The following BCAS3 variants were observed in gnomAD, a reference collection of about 807,000 sequenced individuals.
BCAS3 encodes the protein BCAS3 microtubule associated cell migration factor, also known as BCAS4/BCAS3 fusion.
Under a neutral mutation model 116.1 loss-of-function variants are expected in BCAS3, and 53 were observed. The ratio of observed to expected loss-of-function variants is 0.46; its 90% confidence interval spans 0.37 to 0.57. The LOEUF is 0.57. BCAS3 is among the 20% of genes least tolerant of loss of function. The pLI is 0.00. For synonymous variants in BCAS3, 391 were observed against 408.2 expected, an observed-to-expected ratio of 0.96 and a Z score of 0.51; for missense variants, 917 against 1,165.4, an observed-to-expected ratio of 0.79 and a Z score of 3.10.
At chr17:60,914,668 C>T (rs181413038) in intron 12 of BCAS3, among the ~76,000 whole-genome samples, 5 of 152,286 alleles carry the variant, frequency 3.3e-5, no homozygotes, top group South Asian at 4.1e-4. Context: ...GCAAGACCAA[C>T]CCCTTTTCTT....
chr17:61,045,863 A>AT (rs1203178817), intron 19 of BCAS3, among the ~76,000 whole-genome samples: 1 of 18,068 alleles, frequency 5.5e-5, no homozygotes, highest in Non-Finnish European at 7.5e-5. Context: ...ATATATATAT[A>AT]TAAATATATA....
At chr17:61,044,308 G>A (rs1017766231) in intron 19 of BCAS3, among the ~76,000 whole-genome samples, 5 of 151,548 alleles carry the variant, frequency 3.3e-5, no homozygotes, top group Admixed American at 1.3e-4. Flanking sequence ...TTAGCTGGGC[G>A]TGGTGGCGGG....
intron 6 of BCAS3, among the ~76,000 whole-genome samples, chr17:60,799,524 GTT>G (rs869112996): frequency 2.9e-5 from 3 of 102,380 alleles, no homozygotes; most frequent in African/African-American, 1.1e-4. Flanking sequence ...ATTAGTGTTT[GTT>G]TTTTTTTTTT....
In BCAS3 at chr17:61,388,053, C is replaced by T. The variant is rs1297715562; in HGVS notation, c.2594-3924C>T. 6.6e-6 allele frequency among the ~76,000 whole-genome samples: 1 copy of T among 152,286 alleles called. No individual in the cohort carries two copies. The highest frequency in any genetic ancestry group is 1.9e-4 in the East Asian group (1 of 5,178). ...TGGCTGGGGACACTTCCCTCATTTC[C>T]TGCCACAGAGCCCCCAGCACTCTCT... On this transcript the variant is annotated intron_variant, in intron 23 of 23. Transcript: ENST00000407086. This position sits in a 1 kb window ranked among gnomAD's most constrained non-coding sequence, Gnocchi z 6.5.
rs1480746579 is a variant in BCAS3 at position 60,812,068 on chromosome 17, GTTCATAAGTTGTT to G, written c.476+4008_476+4020del. 4.7e-5 allele frequency among the ~76,000 whole-genome samples: 7 copies of G among 149,842 alleles called. 1 individual carries two copies. The East Asian group carries it at 1.2e-3, about 25-fold the overall frequency. ...ACCCAGTCTCAAAAAAAAAAAAAAA[GTTCATAAGTTGTT>G]TTCATAAGTTGTTTTATGGATGTAG... On this transcript the variant is annotated intron_variant, in intron 7 of 23. Coordinates refer to ENST00000407086, the MANE Select transcript of BCAS3 (RefSeq NM_017679.5).
At chr17:60,902,760 T>G in intron 11 of BCAS3, 57 bp downstream of exon 11, 4 of 1,304,970 alleles carry the variant, frequency 3.1e-6, no homozygotes, top group Non-Finnish European at 4.4e-6. Flanking sequence ...TGTTCAGATT[T>G]CTCTCCTGAA....
intron 13 of BCAS3, among the ~76,000 whole-genome samples, chr17:60,931,395 G>A (rs1391617244): frequency 2.0e-5 from 3 of 152,048 alleles, no homozygotes; most frequent in South Asian, 4.2e-4. Context: ...CCTGCCTCAG[G>A]CTCCTGAGTA....
intron 4 of BCAS3, among the ~76,000 whole-genome samples, chr17:60,704,090 T>G (rs915415761): frequency 2.6e-5 from 4 of 152,006 alleles, no homozygotes; most frequent in Admixed American, 2.0e-4. Flanking sequence ...AGAAAGAAGT[T>G]TGGTTTAAAA....
chr17:60,714,535 C>A (rs993354500), intron 5 of BCAS3, among the ~76,000 whole-genome samples: 4 of 152,054 alleles, frequency 2.6e-5, no homozygotes, highest in Non-Finnish European at 5.9e-5. Flanking sequence ...CACCTGTAAT[C>A]CCAGCTACTT....
At chr17:60,712,650 T>A (rs902575754) in intron 5 of BCAS3, among the ~76,000 whole-genome samples, 2 of 152,180 alleles carry the variant, frequency 1.3e-5, no homozygotes, top group Admixed American at 6.6e-5. Flanking sequence ...AGTAGTTTTG[T>A]AGTTAAGGTT....
At chr17:60,936,545 G>A (rs1208878399) in intron 13 of BCAS3, among the ~76,000 whole-genome samples, 6 of 152,066 alleles carry the variant, frequency 3.9e-5, no homozygotes, top group African/African-American at 1.4e-4. Flanking sequence ...TTTAGTGATC[G>A]TCATTCTAAC....
chr17:61,057,028 C>A (rs995899855), intron 19 of BCAS3, among the ~76,000 whole-genome samples: 4 of 152,166 alleles, frequency 2.6e-5, no homozygotes, highest in Admixed American at 6.5e-5. Context: ...TTAATTATAG[C>A]TGCTCTCGAC....
rs529038119 is a variant in BCAS3 at position 61,192,532 on chromosome 17, T to G, written c.2425+107968T>G. Among the ~76,000 whole-genome samples, 11 of 152,310 alleles carry G rather than the reference T, an allele frequency of 7.2e-5. No individual in the cohort carries two copies. In the East Asian group the frequency reaches 2.1e-3, roughly 29 times the overall value. On this transcript the variant is annotated intron_variant, in intron 22 of 23. Transcript: ENST00000407086. ...ATAAATGTGAAAATTAGGTTGATGA[T>G]AGACTTGTAATTTGGTGACAATAGA...
intron 19 of BCAS3, among the ~76,000 whole-genome samples, chr17:61,067,273 G>GTGTATATATATATATA (rs1251223420): frequency 1.7e-5 from 1 of 58,800 alleles, no homozygotes; most frequent in African/African-American, 8.6e-5. Context: ...GTGTGTATGT[G>GTGTATATATATATATA]TATATATATA....
intron 14 of BCAS3, among the ~76,000 whole-genome samples, chr17:60,968,641 A>G (rs921184615): frequency 4.6e-5 from 7 of 152,042 alleles, no homozygotes; most frequent in South Asian, 2.1e-4. Flanking sequence ...AGTACTGCCT[A>G]TCCTGATTTG....
intron 6 of BCAS3, among the ~76,000 whole-genome samples, chr17:60,759,050 T>C (rs1240636867): frequency 1.3e-5 from 2 of 151,768 alleles, no homozygotes; most frequent in Non-Finnish European, 2.9e-5. Context: ...CTCGACTCAC[T>C]GCAACCTCTG....
At chr17:61,257,900 T>G (rs939581675) in intron 22 of BCAS3, among the ~76,000 whole-genome samples, 1 of 152,192 alleles carries the variant, frequency 6.6e-6, no homozygotes, top group African/African-American at 2.4e-5. Context: ...CCATTTTCAC[T>G]CTGGTTCAAA....
Position 60,956,400 on chromosome 17 carries a change from C to T in BCAS3, c.1221+9048C>T, listed in dbSNP as rs1265298875. ...TAATATTTCACTGTGCTGCTGGGCA[C>T]ATTTTATTTCTTACCTCTTTTTCAA... On this transcript the variant is annotated intron_variant, in intron 14 of 23. Coordinates refer to ENST00000407086, the MANE Select transcript of BCAS3 (RefSeq NM_017679.5). This position sits in a 1 kb window ranked among gnomAD's most constrained non-coding sequence, Gnocchi z 4.2. Among the ~76,000 whole-genome samples, 1 of 152,164 alleles carries T rather than the reference C, an allele frequency of 6.6e-6. No homozygotes were observed. The highest frequency in any genetic ancestry group is 1.5e-5 in the Non-Finnish European group (1 of 68,016).
chr17:60,975,364 G>C (rs1403954367), intron 14 of BCAS3, among the ~76,000 whole-genome samples: 1 of 152,200 alleles, frequency 6.6e-6, no homozygotes, highest in Non-Finnish European at 1.5e-5. Flanking sequence ...AGATAAAAAT[G>C]CTCGTTTAGG....
Sources: allele counts gnomAD v4.1 joint callset (sites outside exome capture counted in the v4.1 genomes callset), GRCh38; gene constraint gnomAD v4.1.1; non-coding constraint Gnocchi (gnomAD v3.1); transcripts MANE v1.5; gene names NCBI Gene and HGNC (gene_info 2026-07-23, HGNC 2026-07-21).